PSD3: variants seen among roughly 807,000 people sequenced by gnomAD.
The protein encoded by PSD3 is pleckstrin and Sec7 domain containing 3, also known as PH and SEC7 domain-containing protein 3.
A neutral mutation model predicts 105.5 loss-of-function variants in PSD3; 49 were observed. The ratio of observed to expected loss-of-function variants is 0.46; its 90% CI spans 0.37 to 0.59. PSD3 has a LOEUF of 0.59. PSD3 is among the 20% of genes least tolerant of loss of function. PSD3 has a pLI of 0.00. For missense variants in PSD3, 1,561 were observed against 1,263.8 expected, an observed-to-expected ratio of 1.24 and a Z score of -3.57; for synonymous variants, 557 against 457.8, an observed-to-expected ratio of 1.22 and a Z score of -2.77.
chr8:18,829,946 T>C (rs751377506), intron 4 of PSD3, among the ~76,000 whole-genome samples: 4 of 152,186 alleles, frequency 2.6e-5, no homozygotes, highest in Admixed American at 6.5e-5. Flanking sequence ...GCTCTGAAGA[T>C]ACCAAATCTT....
At chr8:18,953,863 T>C (rs955534022) in intron 1 of PSD3, among the ~76,000 whole-genome samples, 1 of 151,982 alleles carries the variant, frequency 6.6e-6, no homozygotes, top group South Asian at 2.1e-4. Context: ...TGCCAACATA[T>C]ATAAAAAACA....
chr8:18,983,366 A>G (rs1002097939), intron 1 of PSD3, among the ~76,000 whole-genome samples: 9 of 152,326 alleles, frequency 5.9e-5, no homozygotes, highest in African/African-American at 1.7e-4. Context: ...CTGAAGAAGC[A>G]CTTTGAATTT....
intron 9 of PSD3, among the ~76,000 whole-genome samples, chr8:18,696,843 T>C (rs1279864219): frequency 2.0e-5 from 3 of 152,188 alleles, no homozygotes; most frequent in African/African-American, 7.2e-5. Context: ...AGCCACATAA[T>C]AACTTAAAAT....
chr8:18,889,515 T>C (rs1186439618), intron 2 of PSD3, among the ~76,000 whole-genome samples: 1 of 152,102 alleles, frequency 6.6e-6, no homozygotes, highest in African/African-American at 2.4e-5. Flanking sequence ...CCTGCCAAAA[T>C]TATTCAAACT....
At chr8:18,917,838 A>C (rs967765261) in intron 2 of PSD3, among the ~76,000 whole-genome samples, 3 of 152,128 alleles carry the variant, frequency 2.0e-5, no homozygotes, top group African/African-American at 7.2e-5. Flanking sequence ...ACCAACATAC[A>C]AGCTGTGAAT....
At chr8:18,820,649 C>CT (rs34112419) in intron 4 of PSD3, among the ~76,000 whole-genome samples, 49,504 of 151,642 alleles carry the variant, frequency 0.33, 8,758 homozygotes, top group East Asian at 0.66. Context: ...GCAACCATTT[C>CT]TTTTTTTTTA....
At chr8:18,682,590 C>T (rs1407896689) in intron 9 of PSD3, among the ~76,000 whole-genome samples, 1 of 152,130 alleles carries the variant, frequency 6.6e-6, no homozygotes, top group South Asian at 2.1e-4. Flanking sequence ...TGAAGACTTA[C>T]TGGAGCCAGG....
intron 8 of PSD3, chr8:18,775,082 C>A (rs1003445121): frequency 7.9e-5 from 32 of 403,130 alleles, no homozygotes; most frequent in East Asian, 2.9e-4. Flanking sequence ...CTTTTTAAGC[C>A]CCCCCAAGTT....
chr8:18,986,023 T>C (rs149813702), intron 1 of PSD3, among the ~76,000 whole-genome samples: 26 of 152,324 alleles, frequency 1.7e-4, no homozygotes, highest in African/African-American at 5.8e-4. Context: ...GGTCACAAAA[T>C]GTAGGGTAGC....
rs1585437014 is a variant in PSD3, at chr8:18,630,114, G to T, written c.2410+2499C>A. Reference sequence around the variant, plus strand: ...AACCCATCCATATATTTTCCCTTTGGTTCTGAGGCAGGAACAGAGATAGAA... The same window carrying T: ...AACCCATCCATATATTTTCCCTTTGTTTCTGAGGCAGGAACAGAGATAGAA... On this transcript the variant is annotated intron_variant, in intron 11 of 15. Transcript: ENST00000327040. Among the ~76,000 whole-genome samples, 3 of 151,886 alleles carry T rather than the reference G, an allele frequency of 2.0e-5. No individual in the cohort carries two copies. The South Asian group carries it at 6.2e-4, about 32-fold the overall frequency.
chr8:18,849,679 C>G (rs1815412441), intron 4 of PSD3: 1 of 152,238 alleles, frequency 6.6e-6, no homozygotes, highest in Non-Finnish European at 1.5e-5. Context: ...GCCATGCCAT[C>G]TATTGGAAGT....
chr8:18,624,913 A>G (rs1585423170), intron 11 of PSD3, among the ~76,000 whole-genome samples: 1 of 151,612 alleles, frequency 6.6e-6, no homozygotes, highest in African/African-American at 2.4e-5. Context: ...ATGCCTGTTT[A>G]TATGTAGAGA....
chr8:18,721,992 T>G (rs1803008173), intron 9 of PSD3, among the ~76,000 whole-genome samples: 1 of 152,114 alleles, frequency 6.6e-6, no homozygotes, highest in Admixed American at 6.5e-5. Context: ...ACAACACATT[T>G]GAAAGCGGAA....
intron 12 of PSD3, among the ~76,000 whole-genome samples, chr8:18,578,253 C>T (rs1423544597): frequency 2.0e-5 from 3 of 151,958 alleles, no homozygotes; most frequent in Non-Finnish European, 4.4e-5. Context: ...CTAAAAAGTC[C>T]CACCCTTATT....
intron 8 of PSD3, among the ~76,000 whole-genome samples, chr8:18,775,662 T>C (rs12550694): frequency 0.022 from 3,285 of 152,298 alleles, 159 homozygotes; most frequent in East Asian, 0.14. Context: ...ATCAAAAATT[T>C]TGCCCATTTT....
chr8:18,551,780 G>A (rs941095557), intron 15 of PSD3, among the ~76,000 whole-genome samples: 2 of 152,112 alleles, frequency 1.3e-5, no homozygotes, highest in African/African-American at 4.8e-5. Context: ...CTGCTGGATT[G>A]GAACCTGAAA....
intron 9 of PSD3, among the ~76,000 whole-genome samples, chr8:18,690,607 C>G (rs187863997): frequency 6.6e-6 from 1 of 152,324 alleles, no homozygotes; most frequent in South Asian, 2.1e-4. Flanking sequence ...ACAGGCTCCA[C>G]TGCCTGACAT....
intron 8 of PSD3, chr8:18,774,863 C>A: frequency 2.2e-6 from 1 of 456,202 alleles, no homozygotes; most frequent in South Asian, 1.5e-5. Flanking sequence ...GTCCAGCTGT[C>A]TTAGCAGCTC....
intron 14 of PSD3, among the ~76,000 whole-genome samples, chr8:18,560,175 T>TACACACACACACACACACACACAC (rs5889808): frequency 2.1e-5 from 3 of 143,340 alleles, no homozygotes; most frequent in African/African-American, 7.8e-5. Flanking sequence ...ATACACATTT[T>TACACACACACACACACACACACAC]ACACACACAC....
Sources: allele counts gnomAD v4.1 joint callset (sites outside exome capture counted in the v4.1 genomes callset), GRCh38; gene constraint gnomAD v4.1.1; transcripts MANE v1.5; gene names NCBI Gene and HGNC (gene_info 2026-07-23, HGNC 2026-07-21).